NALF1: variants seen among roughly 807,000 people sequenced by gnomAD.
NALF1 encodes the protein NALCN channel auxiliary factor 1.
NALF1 carries 3 observed loss-of-function variants against 48.4 expected under a neutral mutation model. The ratio of observed to expected loss-of-function variants is 0.06; its 90% CI spans 0.03 to 0.16. NALF1 has a LOEUF of 0.16. NALF1 is among the 10% of genes least tolerant of loss of function. The pLI, the probability that NALF1 is intolerant of heterozygous loss-of-function variation, is 1.00. For missense variants in NALF1, 526 were observed against 571.5 expected (o/e 0.92, Z 0.81); for synonymous variants, 262 against 245.7 (o/e 1.07, Z -0.62).
intron 1 of NALF1, among the ~76,000 whole-genome samples, chr13:107,677,974 C>A (rs976944009): frequency 6.6e-6 from 1 of 152,158 alleles, no homozygotes; most frequent in African/African-American, 2.4e-5. Context: ...CATATTTCTG[C>A]CATGGTATAT....
At chr13:107,276,434 C>T (rs1881282661) in intron 1 of NALF1, among the ~76,000 whole-genome samples, 1 of 152,058 alleles carries the variant, frequency 6.6e-6, no homozygotes, top group Non-Finnish European at 1.5e-5. Flanking sequence ...TAACAGATTA[C>T]GTAGTAGATG....
At chr13:107,713,075 T>C (rs575231394) in intron 1 of NALF1, among the ~76,000 whole-genome samples, 1 of 152,314 alleles carries the variant, frequency 6.6e-6, no homozygotes, top group East Asian at 1.9e-4. Context: ...AACGCCTTCC[T>C]GACCCACATC....
chr13:107,676,591 A>G (rs921811101), intron 1 of NALF1, among the ~76,000 whole-genome samples: 3 of 107,332 alleles, frequency 2.8e-5, no homozygotes, highest in Non-Finnish European at 6.1e-5. Context: ...TTAAATCATT[A>G]AATTAATTTA....
intron 1 of NALF1, among the ~76,000 whole-genome samples, chr13:107,358,517 G>A (rs1181474486): frequency 2.0e-5 from 3 of 152,200 alleles, no homozygotes; most frequent in African/African-American, 7.2e-5. Flanking sequence ...ATATGGAAGA[G>A]ATTTGTGAAG....
intron 1 of NALF1, among the ~76,000 whole-genome samples, chr13:107,552,292 CAAAT>C (rs1225894544): frequency 6.6e-6 from 1 of 152,098 alleles, no homozygotes; most frequent in Non-Finnish European, 1.5e-5. Context: ...GTTTCCTGAA[CAAAT>C]AAATAAATAG....
chr13:107,348,368 T>C (rs1018246552), intron 1 of NALF1, among the ~76,000 whole-genome samples: 1 of 152,196 alleles, frequency 6.6e-6, no homozygotes, highest in Non-Finnish European at 1.5e-5. Context: ...CTTTAACAAA[T>C]AGCAATAATT....
intron 1 of NALF1, among the ~76,000 whole-genome samples, chr13:107,620,238 T>C (rs577632252): frequency 6.6e-6 from 1 of 152,204 alleles, no homozygotes; most frequent in African/African-American, 2.4e-5. Flanking sequence ...AGAGAAGAGA[T>C]TTCAAAAGAA....
At chr13:107,861,891 G>T (rs1432100636) in intron 1 of NALF1, among the ~76,000 whole-genome samples, 1 of 152,104 alleles carries the variant, frequency 6.6e-6, no homozygotes, top group African/African-American at 2.4e-5. Flanking sequence ...TCTCAAACTA[G>T]TTGGGTAATG....
intron 1 of NALF1, among the ~76,000 whole-genome samples, chr13:107,521,699 G>C (rs966161186): frequency 6.6e-6 from 1 of 152,092 alleles, no homozygotes; most frequent in East Asian, 1.9e-4. Flanking sequence ...CTCATCAGCT[G>C]GTTAGTGGGT....
chr13:107,245,761 T>C (rs1343869599), intron 1 of NALF1, among the ~76,000 whole-genome samples: 1 of 152,180 alleles, frequency 6.6e-6, no homozygotes, highest in African/African-American at 2.4e-5. Context: ...TTTCTTTTTT[T>C]TTATATTCAG....
intron 1 of NALF1, among the ~76,000 whole-genome samples, chr13:107,631,699 A>G (rs1303417517): frequency 6.6e-6 from 1 of 152,110 alleles, no homozygotes; most frequent in Admixed American, 6.5e-5. Context: ...CGAGACCTCA[A>G]GCAGCAAGAC....
rs753292869 is a variant in NALF1 at position 107,866,572 on chromosome 13, G to A, written c.25C>T (p.Arg9Trp). Residue 9 changes from arginine to tryptophan, a missense_variant, in exon 1 of 3, where the codon CGG becomes TGG. This residue lies in a region of NALF1 where 373 missense variants were observed against 355.5 expected (regional missense o/e 1.05). Coordinates refer to ENST00000375915, the MANE Select transcript of NALF1 (RefSeq NM_001080396.3). The surrounding 1 kb of genome is among the most constrained non-coding windows in gnomAD (Gnocchi z 4.4). MTRGAWMC[R>W]QYDDGLKIWL... ...ATTTTTAAGCCGTCGTCATACTGCC[G>A]ACACATCCAAGCACCCCTGGTCATA... 4 of 1,609,924 alleles carry A rather than the reference G, an allele frequency of 2.5e-6. No homozygotes were observed. Among genetic ancestry groups the A allele is most frequent in the Admixed American group, 3.3e-5 (2 of 59,964 alleles).
At position 107,660,469 on chromosome 13, in the gene NALF1, AC is replaced by A. The variant is rs1566434043; in HGVS notation, c.915+205212del. Reference sequence around the variant, plus strand: ...CACACACACACACACACACACACACACACACACACACACACAACAAAGAAAC... The same window carrying A: ...CACACACACACACACACACACACACAACACACACACACACAACAAAGAAAC... On this transcript the variant is annotated intron_variant, in intron 1 of 2. Transcript: ENST00000375915. 1.0e-3 allele frequency among the ~76,000 whole-genome samples: 130 copies of A among 125,060 alleles called. 1 individual carries two copies. Among genetic ancestry groups the A allele is most frequent in the Middle Eastern group, 4.5e-3 (1 of 224 alleles). 82.0% of individuals were successfully genotyped at this position (125,060 alleles called of 152,430 possible). A position where few individuals can be genotyped will look rare whatever the true frequency, so the allele number is the denominator to read the frequency against.
intron 1 of NALF1, among the ~76,000 whole-genome samples, chr13:107,689,881 T>A (rs921792098): frequency 2.0e-5 from 3 of 152,212 alleles, no homozygotes; most frequent in African/African-American, 7.2e-5. Flanking sequence ...ATAAAGACTT[T>A]AAGTTACAAA....
At chr13:107,751,024 A>G (rs9301256) in intron 1 of NALF1, among the ~76,000 whole-genome samples, 3,643 of 152,308 alleles carry the variant, frequency 0.024, 123 homozygotes, top group African/African-American at 0.083. Context: ...CCAGAAATTG[A>G]TTAATCTCTT....
chr13:107,637,838 T>A (rs926885793), intron 1 of NALF1, among the ~76,000 whole-genome samples: 10 of 152,090 alleles, frequency 6.6e-5, no homozygotes, highest in Admixed American at 1.3e-4. Context: ...ACATGTTACA[T>A]GGGATCCAAA....
At chr13:107,780,687 T>C (rs1877862922) in intron 1 of NALF1, among the ~76,000 whole-genome samples, 1 of 152,036 alleles carries the variant, frequency 6.6e-6, no homozygotes, top group Non-Finnish European at 1.5e-5. Context: ...ATCCCAGCAC[T>C]TTGGGATGCC....
chr13:107,707,938 G>T (rs1020794039), intron 1 of NALF1, among the ~76,000 whole-genome samples: 3 of 152,058 alleles, frequency 2.0e-5, no homozygotes, highest in Non-Finnish European at 4.4e-5. Context: ...GTGATCTCTG[G>T]TTTTTTAAAT....
chr13:107,458,266 G>T (rs1236143315), intron 1 of NALF1, among the ~76,000 whole-genome samples: 1 of 152,138 alleles, frequency 6.6e-6, no homozygotes, highest in Non-Finnish European at 1.5e-5. Context: ...TTTTAGAGCC[G>T]CTTTGACAGG....
Sources: gnomAD v4.1 joint callset for allele counts (sites outside exome capture counted in the v4.1 genomes callset) on GRCh38, gnomAD v4.1.1 for gene constraint, gnomAD v4.1.1 regional missense constraint, Gnocchi (gnomAD v3.1) non-coding constraint, MANE v1.5 for transcripts, NCBI Gene and HGNC (gene_info 2026-07-23, HGNC 2026-07-21) for gene names.